Variants in CDKL4 observed in about 807,000 individuals in gnomAD.
The protein encoded by CDKL4 is cyclin dependent kinase like 4.
Under a neutral mutation model 42.0 loss-of-function variants are expected in CDKL4, and 44 were observed. The observed-to-expected ratio is 1.05, with a 90% confidence interval of 0.82 to 1.35. The LOEUF is 1.35. Among genes scored for constraint, CDKL4 ranks in the 40% most tolerant of loss-of-function variants. The probability of loss-of-function intolerance (pLI) is 0.00; values close to 1 mark genes in which losing one functional copy is unlikely to be tolerated. For missense variants in CDKL4, 393 were observed against 369.9 expected, an observed-to-expected ratio of 1.06 and a Z score of -0.51; for synonymous variants, 120 against 121.6, an observed-to-expected ratio of 0.99 and a Z score of 0.09.
chr2:39,228,210 G>A (rs1335516208), intron 2 of CDKL4, among the ~76,000 whole-genome samples: 2 of 152,150 alleles, frequency 1.3e-5, no homozygotes, highest in African/African-American at 4.8e-5. Context: ...AAGCCACACT[G>A]CTTGGTTCAG....
At chr2:39,200,590 A>G (rs1676786765) in intron 5 of CDKL4, among the ~76,000 whole-genome samples, 1 of 152,306 alleles carries the variant, frequency 6.6e-6, no homozygotes, top group Non-Finnish European at 1.5e-5. Context: ...TTCAAACTAT[A>G]CTATAAGGCC....
intron 3 of CDKL4, among the ~76,000 whole-genome samples, chr2:39,221,993 G>A (rs1678402215): frequency 6.6e-6 from 1 of 152,086 alleles, no homozygotes; most frequent in Non-Finnish European, 1.5e-5. Context: ...CTTCTTGAGG[G>A]CAGGACTGTA....
intron 9 of CDKL4, chr2:39,178,404 C>T: frequency 1.5e-6 from 1 of 652,154 alleles, no homozygotes; most frequent in Non-Finnish European, 2.5e-6. Context: ...AAATTACCAA[C>T]TCAGTTTATT....
At chr2:39,238,942 G>A (rs1372685406) in intron 1 of CDKL4, among the ~76,000 whole-genome samples, 2 of 152,096 alleles carry the variant, frequency 1.3e-5, no homozygotes, top group African/African-American at 2.4e-5. Flanking sequence ...AGTAAAGATG[G>A]GGTTTCACCA....
intron 5 of CDKL4, among the ~76,000 whole-genome samples, chr2:39,200,282 G>A (rs528388087): frequency 3.3e-5 from 5 of 152,150 alleles, no homozygotes; most frequent in African/African-American, 1.2e-4. Flanking sequence ...ACTTAACCAA[G>A]GAGGTGAAAG....
At chr2:39,195,863 T>G (rs11892491) in intron 5 of CDKL4, among the ~76,000 whole-genome samples, 2,457 of 152,150 alleles carry the variant, frequency 0.016, 71 homozygotes, top group African/African-American at 0.056. Flanking sequence ...GGAAAATGGT[T>G]GATAGGAGGC....
chr2:39,219,775 A>G (rs955164156), intron 3 of CDKL4, among the ~76,000 whole-genome samples: 1 of 152,176 alleles, frequency 6.6e-6, no homozygotes, highest in Non-Finnish European at 1.5e-5. Context: ...ATGCCTATTC[A>G]AGGCAAGGCT....
intron 5 of CDKL4, among the ~76,000 whole-genome samples, chr2:39,204,112 C>T (rs1677019588): frequency 6.6e-6 from 1 of 152,136 alleles, no homozygotes; most frequent in African/African-American, 2.4e-5. Context: ...TCAGTTTACT[C>T]TTCTAGTCTC....
At chr2:39,190,217 T>C (rs968680335) in intron 6 of CDKL4, 88 bp downstream of exon 6, 2 of 930,186 alleles carry the variant, frequency 2.2e-6, no homozygotes, top group Non-Finnish European at 3.1e-6. Context: ...CTCTTGTTTT[T>C]TATTTTTATT....
At chr2:39,241,305 T>A (rs1679648784) in intron 1 of CDKL4, among the ~76,000 whole-genome samples, 1 of 152,202 alleles carries the variant, frequency 6.6e-6, no homozygotes, top group Non-Finnish European at 1.5e-5. Context: ...AACATAAAAA[T>A]TGAGCAAAAC....
chr2:39,242,886 C>A (rs1034289293), intron 1 of CDKL4, among the ~76,000 whole-genome samples: 5 of 151,822 alleles, frequency 3.3e-5, no homozygotes, highest in African/African-American at 1.2e-4. Context: ...GCACTTGAAG[C>A]CAGGAGTTGG....
At chr2:39,210,947 G>A (rs911579971) in intron 4 of CDKL4, among the ~76,000 whole-genome samples, 7 of 152,076 alleles carry the variant, frequency 4.6e-5, no homozygotes, top group South Asian at 2.1e-4. Flanking sequence ...CTTCCCCTCC[G>A]TATTGAAATG....
chr2:39,231,019 G>A (rs1679065476), intron 1 of CDKL4, among the ~76,000 whole-genome samples: 1 of 152,146 alleles, frequency 6.6e-6, no homozygotes, highest in Non-Finnish European at 1.5e-5. Context: ...AGACCAGCCT[G>A]GCCAACATGG....
intron 5 of CDKL4, among the ~76,000 whole-genome samples, chr2:39,195,715 T>C (rs1676473806): frequency 6.6e-6 from 1 of 150,936 alleles, no homozygotes; most frequent in South Asian, 2.1e-4. Context: ...CAGTCTTGGC[T>C]CACTGCAACC....
intron 7 of CDKL4, 82 bp downstream of exon 7, chr2:39,187,545 A>AAAAT (rs908550143): frequency 7.3e-5 from 75 of 1,026,108 alleles, no homozygotes; most frequent in Admixed American, 1.7e-4. Context: ...ACATCATCTC[A>AAAAT]AAATAAATAA....
At chr2:39,204,447 C>T (rs949675370) in intron 5 of CDKL4, 80 bp downstream of exon 5, 4 of 834,882 alleles carry the variant, frequency 4.8e-6, no homozygotes, top group Non-Finnish European at 8.2e-6. Flanking sequence ...GGCATATGTC[C>T]AATATCCAAT....
intron 2 of CDKL4, among the ~76,000 whole-genome samples, chr2:39,228,689 A>G (rs1678909297): frequency 6.6e-6 from 1 of 152,124 alleles, no homozygotes; most frequent in Non-Finnish European, 1.5e-5. Flanking sequence ...AATGCATATT[A>G]ACATTTGAGA....
chr2:39,208,623 A>G (rs1558565937), intron 4 of CDKL4, among the ~76,000 whole-genome samples: 1 of 151,722 alleles, frequency 6.6e-6, no homozygotes, highest in East Asian at 1.9e-4. Flanking sequence ...GATTACAGGC[A>G]TGAGACACCA....
intron 7 of CDKL4, 77 bp downstream of exon 7, chr2:39,187,550 A>G (rs1675898440): frequency 1.1e-5 from 11 of 1,043,212 alleles, no homozygotes; most frequent in Non-Finnish European, 1.6e-5. Flanking sequence ...ATCTCAAAAT[A>G]AATAAATAAA....
Sources: allele counts gnomAD v4.1 joint callset (sites outside exome capture counted in the v4.1 genomes callset), GRCh38; gene constraint gnomAD v4.1.1; transcripts MANE v1.5; gene names NCBI Gene and HGNC (gene_info 2026-07-23, HGNC 2026-07-21).